The following HMMR variants were observed in gnomAD, a reference collection of about 807,000 sequenced individuals.
HMMR encodes intracellular hyaluronic acid-binding protein.
In HMMR, 108 loss-of-function variants were observed where a neutral mutation model predicts 101.0. The ratio of observed to expected loss-of-function variants is 1.07; its 90% CI spans 0.92 to 1.25. HMMR has a LOEUF of 1.25. Ranked by LOEUF, HMMR falls within the 50% of genes most tolerant of loss-of-function variation. The pLI is 0.00. For missense variants in HMMR, 813 were observed against 788.7 expected (o/e 1.03, Z -0.37); for synonymous variants, 296 against 276.4 (o/e 1.07, Z -0.70).
chr5:163,468,003 T>C (rs1275804452), intron 4 of HMMR, among the ~76,000 whole-genome samples: 1 of 152,248 alleles, frequency 6.6e-6, no homozygotes, highest in Non-Finnish European at 1.5e-5. Flanking sequence ...AAAATCATTA[T>C]GTCAGTTGAT....
Position 163,482,539 on chromosome 5 carries a change from T to A in HMMR, c.1386-103T>A, listed in dbSNP as rs1421180682. Reference sequence around the variant, plus strand: ...TTAAATGCATGAATACATTAAAAACTTTTTAGTTTTACTTAGAAGTATATA... The same window carrying A: ...TTAAATGCATGAATACATTAAAAACATTTTAGTTTTACTTAGAAGTATATA... On this transcript the variant is annotated intron_variant, in intron 12 of 17. Transcript: ENST00000393915. 3.6e-6 allele frequency: 3 copies of A among 829,600 alleles called. No individual in the cohort carries two copies. The African/African-American group carries it at 5.2e-5, about 14-fold the overall frequency. The allele number at this position is 829,600 out of a possible 1,614,324, so 51.4% of individuals were successfully genotyped here.
intron 15 of HMMR, 118 bp from the exon 16 acceptor site, chr5:163,483,951 T>C: frequency 1.7e-6 from 1 of 583,174 alleles, no homozygotes; most frequent in South Asian, 2.4e-5. Flanking sequence ...CCTGAGAATA[T>C]GTGAACATAC....
In HMMR at chr5:163,473,413, G is replaced by A; in HGVS notation, c.760G>A (p.Asp254Asn). 1 of 1,611,134 alleles carries A rather than the reference G, an allele frequency of 6.2e-7. No homozygotes were observed. Among genetic ancestry groups the A allele is most frequent in the Non-Finnish European group, 8.5e-7 (1 of 1,178,604 alleles). ...ASDQVEKYKL[D>N]IAQLEENLKE... ...AGATCAAGTGGAAAAATACAAGCTA[G>A]ATATTGCCCAGTTAGAAGAAAATTT... The change falls in exon 9 of 18, where the codon GAT becomes AAT. Residue 254 changes from aspartate (D) to asparagine (N), a missense_variant. Transcript: ENST00000393915.
chr5:163,482,491 A>G (rs1373962485), intron 12 of HMMR, 151 bp from the exon 13 acceptor site: 2 of 604,096 alleles, frequency 3.3e-6, no homozygotes, highest in South Asian at 2.3e-5. Context: ...TACTTGCCTC[A>G]GAACACTGAA....
intron 16 of HMMR, among the ~76,000 whole-genome samples, chr5:163,487,405 G>A (rs147540052): frequency 4.6e-5 from 7 of 151,702 alleles, no homozygotes; most frequent in African/African-American, 1.2e-4. Context: ...TTTAATGTCT[G>A]TCTCATTTTG....
intron 11 of HMMR, 74 bp downstream of exon 11, chr5:163,475,746 T>G: frequency 1.6e-6 from 1 of 633,608 alleles, no homozygotes; most frequent in Non-Finnish European, 2.6e-6. Context: ...TTTAGTATTC[T>G]CTTATCAATC....
Position 163,484,135 on chromosome 5 carries a change from C to T in HMMR, c.1852C>T (p.Gln618Ter). The T allele has an allele frequency of 1.2e-6, 2 of 1,602,982 alleles. No individual in the cohort carries two copies. The highest frequency in any genetic ancestry group is 1.7e-6 in the Non-Finnish European group (2 of 1,172,282). ...GAATGAACATGGTGCAGCTCAGGAACAGCTAAATAAAATAAGAGATTCATA... is the reference window on the plus strand; with the variant it reads ...GAATGAACATGGTGCAGCTCAGGAATAGCTAAATAAAATAAGAGATTCATA... Reference protein sequence around the residue: ...LLNEHGAAQEQLNKIRDSYAK... With the variant: ...LLNEHGAAQE Residue 618 changes from glutamine to a stop codon, truncating the protein, a stop_gained, in exon 16 of 18, where the codon CAG becomes TAG. Transcript: ENST00000393915. LOFTEE classifies it high-confidence loss of function.
At chr5:163,487,811 C>A (rs1468863040) in intron 16 of HMMR, among the ~76,000 whole-genome samples, 1 of 147,850 alleles carries the variant, frequency 6.8e-6, no homozygotes, top group Non-Finnish European at 1.5e-5. Flanking sequence ...AAGTTTCTTT[C>A]TTTTTTTAAA....
In HMMR at chr5:163,475,471, G is replaced by A. The variant is rs373900684; in HGVS notation, c.1067G>A (p.Ser356Asn). 2.5e-6 allele frequency: 4 copies of A among 1,589,900 alleles called. No individual in the cohort carries two copies. Among genetic ancestry groups the A allele is most frequent in the Non-Finnish European group, 3.4e-6 (4 of 1,165,932 alleles). ...LLQQEKELSS[S>N]LHQKLCSFQE... ...GTTTGGATATAGGAATTATCTTCGAGTCTTCATCAGAAGCTCTGTTCTTTT... is the reference window on the plus strand; with the variant it reads ...GTTTGGATATAGGAATTATCTTCGAATCTTCATCAGAAGCTCTGTTCTTTT... Residue 356 changes from serine (S) to asparagine (N), a missense_variant, in exon 11 of 18, where the codon AGT becomes AAT. Coordinates refer to ENST00000393915, the MANE Select transcript of HMMR (RefSeq NM_001142556.2).
At chr5:163,475,700 T>C (rs1759048700) in intron 11 of HMMR, 28 bp downstream of exon 11, 2 of 1,238,326 alleles carry the variant, frequency 1.6e-6, no homozygotes, top group Admixed American at 2.1e-5. Context: ...CTCATGTTTA[T>C]GTATGACTTC....
chr5:163,480,661 T>C (rs1482239866), intron 12 of HMMR, among the ~76,000 whole-genome samples: 1 of 152,222 alleles, frequency 6.6e-6, no homozygotes, highest in Admixed American at 6.5e-5. Context: ...AGTTTCCATT[T>C]ATCTTCTTTG....
chr5:163,489,948 G>A (rs545532062), intron 16 of HMMR, among the ~76,000 whole-genome samples: 1 of 152,308 alleles, frequency 6.6e-6, no homozygotes, highest in South Asian at 2.1e-4. Flanking sequence ...AAACACTGCA[G>A]ACTCTCTTTT....
intron 1 of HMMR, among the ~76,000 whole-genome samples, chr5:163,462,515 T>A (rs1758572030): frequency 6.6e-6 from 1 of 152,074 alleles, no homozygotes; most frequent in African/African-American, 2.4e-5. Context: ...TTTTACTTTT[T>A]AAAAAATGCT....
intron 3 of HMMR, among the ~76,000 whole-genome samples, chr5:163,467,319 G>A (rs1345953343): frequency 1.3e-5 from 2 of 152,082 alleles, no homozygotes; most frequent in Non-Finnish European, 2.9e-5. Flanking sequence ...TTTCCTCTTC[G>A]GGTATCAAAG....
At chr5:163,472,520 G>T (rs1410516821) in intron 7 of HMMR, among the ~76,000 whole-genome samples, 1 of 152,050 alleles carries the variant, frequency 6.6e-6, no homozygotes, top group African/African-American at 2.4e-5. Flanking sequence ...TTAAAACTCA[G>T]AAGTGTTTTT....
chr5:163,461,862 G>A (rs1319665492), intron 1 of HMMR, among the ~76,000 whole-genome samples: 1 of 152,022 alleles, frequency 6.6e-6, no homozygotes, highest in Non-Finnish European at 1.5e-5. Flanking sequence ...AGTGAGGAAG[G>A]TACTGATATT....
rs536547819 is a variant in HMMR at position 163,469,645 on chromosome 5, G to A, written c.278G>A (p.Arg93His). 1.1e-5 allele frequency: 18 copies of A among 1,607,702 alleles called. No homozygotes were observed. The highest frequency in any genetic ancestry group is 3.3e-5 in the South Asian group (3 of 90,062). Residue 93 changes from arginine (R) to histidine (H), a missense_variant, in exon 5 of 18, where the codon CGT (arginine) becomes CAT (histidine). By Grantham distance (29) the Arg-to-His change is conservative (BLOSUM62 0). Transcript: ENST00000393915. ...KDLKILEKEI[R>H]VLLQERGAQD... ...TATCACCTTGTTTTTGTCCAGATTCGTGTTCTTCTACAGGAACGTGGTGCC... is the reference window on the plus strand; with the variant it reads ...TATCACCTTGTTTTTGTCCAGATTCATGTTCTTCTACAGGAACGTGGTGCC...
chr5:163,470,393 G>A (rs866178548), intron 5 of HMMR, among the ~76,000 whole-genome samples: 1 of 152,086 alleles, frequency 6.6e-6, no homozygotes, highest in Non-Finnish European at 1.5e-5. Flanking sequence ...AAGCTGAGAC[G>A]GATGGATCAC....
In HMMR at chr5:163,469,737, C is replaced by G. The variant is rs748325240; in HGVS notation, c.370C>G (p.Leu124Val). The G allele has an allele frequency of 6.2e-7, 1 of 1,612,914 alleles. No homozygotes were observed. The highest frequency in any genetic ancestry group is 8.5e-7 in the Non-Finnish European group (1 of 1,179,042). ...EKMEARLNAA[L>V]REKTSLSANN... ...GATGGAAGCAAGGCTAAATGCTGCACTAAGGGAAAAAACATCTCTCTCTGC... is the reference window on the plus strand; with the variant it reads ...GATGGAAGCAAGGCTAAATGCTGCAGTAAGGGAAAAAACATCTCTCTCTGC... The change falls in exon 5 of 18, where the codon CTA (leucine) becomes GTA (valine). Residue 124 changes from leucine to valine, a missense_variant. Transcript: ENST00000393915.
Sources: gnomAD v4.1 joint callset for allele counts (sites outside exome capture counted in the v4.1 genomes callset) on GRCh38, gnomAD v4.1.1 for gene constraint, MANE v1.5 for transcripts, NCBI Gene and HGNC (gene_info 2026-07-23, HGNC 2026-07-21) for gene names.